R3HCC1: variants seen among roughly 807,000 people sequenced by gnomAD.
The protein encoded by R3HCC1 is R3H and coiled-coil domain-containing protein 1.
In R3HCC1, 32 loss-of-function variants were observed where a neutral mutation model predicts 40.0. That is an observed-to-expected ratio of 0.80 (90% CI 0.60 to 1.07). R3HCC1 has a LOEUF of 1.07. Among genes scored for constraint, R3HCC1 ranks in the 50% least tolerant of loss-of-function variants. The pLI is 0.00. For missense variants in R3HCC1, 586 were observed against 563.3 expected (o/e 1.04, Z -0.41); for synonymous variants, 237 against 232.8 (o/e 1.02, Z -0.17).
intron 5 of R3HCC1, among the ~76,000 whole-genome samples, chr8:23,291,774 C>A (rs965219048): frequency 6.6e-6 from 1 of 152,276 alleles, no homozygotes; most frequent in African/African-American, 2.4e-5. Flanking sequence ...GGGCTGCCCC[C>A]CTGCATGGCC....
At position 23,289,167 on chromosome 8, in the gene R3HCC1, CA is replaced by C; in HGVS notation, c.248+15del. ...CCAGGACATCAGGTGTGTAGCCTCC[CA>C]CCTTGAAGTGCCTGCAGCGGTGGTG... On this transcript the variant is annotated intron_variant, in intron 3 of 7. Coordinates refer to ENST00000265806, the MANE Select transcript of R3HCC1 (RefSeq NM_001136108.3). 4 of 1,535,892 alleles carry C rather than the reference CA, an allele frequency of 2.6e-6. No homozygotes were observed. The highest frequency in any genetic ancestry group is 2.6e-6 in the Non-Finnish European group (3 of 1,146,714).
At chr8:23,291,600 G>A (rs1473528437) in intron 5 of R3HCC1, 67 bp downstream of exon 5, 6 of 1,531,138 alleles carry the variant, frequency 3.9e-6, no homozygotes, top group Non-Finnish European at 4.4e-6. Flanking sequence ...AGCTGGGGGT[G>A]CTTGCCTGCC....
intron 5 of R3HCC1, among the ~76,000 whole-genome samples, chr8:23,292,706 G>A (rs1399000690): frequency 6.6e-6 from 1 of 152,228 alleles, no homozygotes; most frequent in Admixed American, 6.5e-5. Flanking sequence ...CTCTGCTCCT[G>A]AGCAGGAGAG....
At chr8:23,295,357 A>G (rs1802982000) in intron 7 of R3HCC1, 1 of 412,112 alleles carries the variant, frequency 2.4e-6, no homozygotes, top group Admixed American at 3.0e-5. Flanking sequence ...CTTCAGTCTG[A>G]AGGATTGAAT....
At chr8:23,294,943 G>T in intron 7 of R3HCC1, 79 bp downstream of exon 7, 1 of 1,064,680 alleles carries the variant, frequency 9.4e-7, no homozygotes. Flanking sequence ...GTGCGTGTGT[G>T]TGTGTCTGGT....
At position 23,289,928 on chromosome 8, in the gene R3HCC1, A is replaced by G. The variant is rs1802823473; in HGVS notation, c.311A>G (p.Tyr104Cys). ...GCTCCTGCCTCCTGCCCCAGCAGGTACCACGGTCCTCGGCCCATCTCCAAC... is the reference window on the plus strand; with the variant it reads ...GCTCCTGCCTCCTGCCCCAGCAGGTGCCACGGTCCTCGGCCCATCTCCAAC... The change falls in exon 4 of 8, where the codon TAC becomes TGC. Residue 104 changes from tyrosine (Y) to cysteine (C), a missense_variant. Transcript: ENST00000265806. 1 of 1,535,874 alleles carries G rather than the reference A, an allele frequency of 6.5e-7. No homozygotes were observed. Among genetic ancestry groups the G allele is most frequent in the African/African-American group, 1.4e-5 (1 of 73,168 alleles).
intron 7 of R3HCC1, chr8:23,295,580 C>T (rs1222385835): frequency 4.3e-6 from 2 of 465,288 alleles, no homozygotes; most frequent in Non-Finnish European, 4.2e-6. Context: ...ACGTAGCCAA[C>T]ATGGTCCAGG....
At chr8:23,288,940 C>T (rs755420367) in intron 2 of R3HCC1, 76 bp from the exon 3 acceptor site, 1 of 1,455,368 alleles carries the variant, frequency 6.9e-7, no homozygotes, top group East Asian at 2.5e-5. Context: ...TGTTAATCCG[C>T]GATTAACCTG....
chr8:23,292,366 A>C (rs1388503723), intron 5 of R3HCC1, among the ~76,000 whole-genome samples: 1 of 152,124 alleles, frequency 6.6e-6, no homozygotes, highest in Non-Finnish European at 1.5e-5. Context: ...GCACTTTGGG[A>C]AGCTGAGGAG....
chr8:23,294,656 C>T, intron 6 of R3HCC1, 113 bp from the exon 7 acceptor site: 2 of 809,628 alleles, frequency 2.5e-6, no homozygotes, highest in Non-Finnish European at 4.1e-6. Context: ...CGGAGCAGCC[C>T]TGCCCTGAGC....
intron 4 of R3HCC1, 189 bp from the exon 5 acceptor site, chr8:23,291,172 G>C: frequency 1.6e-6 from 1 of 633,454 alleles, no homozygotes. Context: ...CTCCATACAA[G>C]TAAGTGCCCT....
At chr8:23,294,261 T>G (rs1305011211) in intron 6 of R3HCC1, among the ~76,000 whole-genome samples, 1 of 152,190 alleles carries the variant, frequency 6.6e-6, no homozygotes, top group Non-Finnish European at 1.5e-5. Context: ...CTCCACAGAC[T>G]ATGGTGAGAG....
chr8:23,293,476 G>C, intron 6 of R3HCC1, 103 bp downstream of exon 6: 1 of 919,192 alleles, frequency 1.1e-6, no homozygotes, highest in Non-Finnish European at 1.7e-6. Flanking sequence ...CGCAGGCTCA[G>C]CTGAGCCAGT....
intron 2 of R3HCC1, 138 bp downstream of exon 2, chr8:23,288,771 C>G: frequency 2.7e-6 from 3 of 1,128,426 alleles, no homozygotes. Context: ...CCAGCTGCCT[C>G]TTTTAGCTGC....
intron 4 of R3HCC1, 37 bp downstream of exon 4, chr8:23,290,506 G>A (rs1302643747): frequency 6.6e-7 from 1 of 1,520,050 alleles, no homozygotes; most frequent in Non-Finnish European, 8.8e-7. Context: ...GGAGGGCGGA[G>A]GTGAGGTGGG....
At position 23,290,070 on chromosome 8, in the gene R3HCC1, G is replaced by T. The variant is rs781352023; in HGVS notation, c.453G>T (p.Leu151=). Residue 151 remains leucine (L), a synonymous_variant, in exon 4 of 8, where the codon CTG becomes CTT. Coordinates refer to ENST00000265806, the MANE Select transcript of R3HCC1 (RefSeq NM_001136108.3). Reference sequence around the variant, plus strand: ...TGCGCAGGCAGGAAGAATGGGGGCTGACCTCTACCTCGGTGCTCAAGAGAG... The same window carrying T: ...TGCGCAGGCAGGAAGAATGGGGGCTTACCTCTACCTCGGTGCTCAAGAGAG... The T allele has an allele frequency of 1.0e-5, 16 of 1,548,812 alleles. No homozygotes were observed. Among genetic ancestry groups the T allele is most frequent in the Non-Finnish European group, 1.4e-5 (16 of 1,146,996 alleles).
intron 7 of R3HCC1, chr8:23,295,408 G>C (rs1352262124): frequency 6.6e-6 from 3 of 454,700 alleles, no homozygotes; most frequent in South Asian, 1.6e-5. Flanking sequence ...AGGGCACATA[G>C]AAGGTACCAG....
At chr8:23,289,781 T>C (rs1167573854) in intron 3 of R3HCC1, 85 bp from the exon 4 acceptor site, 1 of 1,432,716 alleles carries the variant, frequency 7.0e-7, no homozygotes, top group Non-Finnish European at 9.1e-7. Context: ...CCCGAATGTC[T>C]CTCCTGAATG....
chr8:23,288,425 C>G, intron 1 of R3HCC1, 81 bp from the exon 2 acceptor site: 2 of 1,512,140 alleles, frequency 1.3e-6, no homozygotes, highest in Middle Eastern at 1.8e-4. Flanking sequence ...TTCTAAGGCC[C>G]TTTCGGTGCC....
Sources: gnomAD v4.1 joint callset for allele counts (sites outside exome capture counted in the v4.1 genomes callset) on GRCh38, gnomAD v4.1.1 for gene constraint, MANE v1.5 for transcripts, NCBI Gene and HGNC (gene_info 2026-07-23, HGNC 2026-07-21) for gene names.